Variants in LRRC37A2 observed in about 807,000 individuals in gnomAD.
LRRC37A2 encodes leucine-rich repeat-containing protein 37A2.
A neutral mutation model predicts 68.8 loss-of-function variants in LRRC37A2; 9 were observed. The ratio of observed to expected loss-of-function variants is 0.13; its 90% CI spans 0.08 to 0.23. The LOEUF is 0.23. Ranked by LOEUF, LRRC37A2 falls within the 10% of genes least tolerant of loss-of-function variation. The probability of loss-of-function intolerance (pLI) is 1.00; values close to 1 mark genes in which losing one functional copy is unlikely to be tolerated. For missense variants in LRRC37A2, 168 were observed against 950.4 expected (o/e 0.18, Z 10.82); for synonymous variants, 63 against 367.6 (o/e 0.17, Z 9.48).
the LRRC37A2 span, among the ~76,000 whole-genome samples, chr17:46,784,589 G>A: frequency 6.6e-6 from 1 of 152,114 alleles, no homozygotes; most frequent in Non-Finnish European, 1.5e-5. Context: ...CCTCACACTA[G>A]GAGGCTGGAA....
the LRRC37A2 span, among the ~76,000 whole-genome samples, chr17:46,820,268 T>C: frequency 2.0e-5 from 3 of 151,970 alleles, no homozygotes; most frequent in East Asian, 5.8e-4. Flanking sequence ...GAGAGCCGCC[T>C]GGGCTTGTCA....
the LRRC37A2 span, among the ~76,000 whole-genome samples, chr17:46,675,258 AG>A: frequency 1.3e-5 from 1 of 78,008 alleles, no homozygotes; most frequent in South Asian, 4.0e-4. Context: ...TTGAGTTGAT[AG>A]ACTGAATAAA....
At chr17:46,679,626 A>G in the LRRC37A2 span, among the ~76,000 whole-genome samples, 16 of 139,888 alleles carry the variant, frequency 1.1e-4, no homozygotes, top group African/African-American at 4.0e-4. Context: ...CGGGAGGCGG[A>G]GATTGCAGTG....
the LRRC37A2 span, among the ~76,000 whole-genome samples, chr17:46,950,233 C>A: frequency 1.3e-5 from 2 of 152,208 alleles, no homozygotes; most frequent in African/African-American, 4.8e-5. Flanking sequence ...ATCCCTCACC[C>A]CCAGCTGGAT....
At chr17:46,850,774 A>G in the LRRC37A2 span, among the ~76,000 whole-genome samples, 5 of 152,162 alleles carry the variant, frequency 3.3e-5, no homozygotes, top group African/African-American at 1.2e-4. Context: ...GGGGCCCAAC[A>G]CTTGAAGTTC....
the LRRC37A2 span, among the ~76,000 whole-genome samples, chr17:46,870,095 G>A: frequency 1.3e-5 from 2 of 152,208 alleles, no homozygotes; most frequent in East Asian, 3.9e-4. Context: ...TGGCATTTGA[G>A]GCAGGTCTTG....
At chr17:46,493,798 A>G in the LRRC37A2 span, among the ~76,000 whole-genome samples, 2 of 150,590 alleles carry the variant, frequency 1.3e-5, no homozygotes, top group East Asian at 3.9e-4. Flanking sequence ...CGGCCTCCCA[A>G]AGTGCTGGGA....
the LRRC37A2 span, among the ~76,000 whole-genome samples, chr17:47,043,780 T>C: frequency 7.2e-6 from 1 of 139,030 alleles, no homozygotes; most frequent in Non-Finnish European, 1.6e-5. Flanking sequence ...TGGCTCAAGC[T>C]GGTAATCCTA....
At chr17:46,948,263 C>T in the LRRC37A2 span, among the ~76,000 whole-genome samples, 1 of 152,158 alleles carries the variant, frequency 6.6e-6, no homozygotes, top group Non-Finnish European at 1.5e-5. Context: ...GTGCATACTG[C>T]CATGCCTGTA....
At chr17:46,779,717 G>C in the LRRC37A2 span, among the ~76,000 whole-genome samples, 5 of 152,306 alleles carry the variant, frequency 3.3e-5, no homozygotes, top group Middle Eastern at 3.4e-3. Context: ...TGTGGCCAGA[G>C]GGCTGCAGGA....
chr17:47,041,416 T>C, the LRRC37A2 span, among the ~76,000 whole-genome samples: 1 of 68,298 alleles, frequency 1.5e-5, no homozygotes, highest in Non-Finnish European at 2.7e-5. Flanking sequence ...TCTTGGTGTT[T>C]GTTGCTTTTA....
the LRRC37A2 span, among the ~76,000 whole-genome samples, chr17:47,009,132 C>CA: frequency 0.012 from 1,576 of 133,774 alleles, 30 homozygotes; most frequent in African/African-American, 0.038. Flanking sequence ...TATTCCATCT[C>CA]AAAAAAAAAA....
the LRRC37A2 span, among the ~76,000 whole-genome samples, chr17:46,896,452 A>AAGAAAAAGAAAGAAAGAAAGAAAG: frequency 2.0e-4 from 13 of 65,872 alleles, no homozygotes; most frequent in African/African-American, 5.7e-4. Flanking sequence ...GAAAGAAAGA[A>AAGAAAAAGAAAGAAAGAAAGAAAG]AAAGAAAGAA....
the LRRC37A2 span, among the ~76,000 whole-genome samples, chr17:46,819,513 T>C: frequency 1.3e-5 from 2 of 152,144 alleles, no homozygotes; most frequent in African/African-American, 4.8e-5. The surrounding 1 kb of genome is among the most constrained non-coding windows in gnomAD (Gnocchi z 5.3). Context: ...GTCGGAGGCG[T>C]GACCCACAGC....
chr17:46,923,744 G>A, the LRRC37A2 span: 2 of 436,844 alleles, frequency 4.6e-6, no homozygotes, highest in South Asian at 2.3e-4. Context: ...CTTGTTAATC[G>A]TATCTGGTTA....
the LRRC37A2 span, among the ~76,000 whole-genome samples, chr17:46,893,629 A>G: frequency 6.6e-6 from 1 of 152,096 alleles, no homozygotes; most frequent in East Asian, 1.9e-4. Flanking sequence ...TTGGGTAGCT[A>G]CATGTCACCT....
the LRRC37A2 span, among the ~76,000 whole-genome samples, chr17:46,903,699 C>A: frequency 7.0e-6 from 1 of 142,026 alleles, no homozygotes; most frequent in African/African-American, 2.6e-5. Flanking sequence ...GGGTGGGTGG[C>A]TTAATGGATG....
chr17:46,976,402 C>A, the LRRC37A2 span, among the ~76,000 whole-genome samples: 1 of 151,582 alleles, frequency 6.6e-6, no homozygotes, highest in Non-Finnish European at 1.5e-5. Flanking sequence ...AAATAATTAG[C>A]CAGGCATGGT....
At chr17:46,642,624 T>TC in the LRRC37A2 span, among the ~76,000 whole-genome samples, 1 of 89,954 alleles carries the variant, frequency 1.1e-5, no homozygotes. Context: ...TCAGTATATT[T>TC]CCTTAGGCTG....
Sources: gnomAD v4.1 joint callset for allele counts (sites outside exome capture counted in the v4.1 genomes callset) on GRCh38, gnomAD v4.1.1 for gene constraint, Gnocchi (gnomAD v3.1) non-coding constraint, MANE v1.5 for transcripts, NCBI Gene and HGNC (gene_info 2026-07-23, HGNC 2026-07-21) for gene names.